Variants in MAPK7 observed in about 807,000 individuals in gnomAD.
MAPK7 encodes BMK-1.
MAPK7 carries 30 observed loss-of-function variants against 56.9 expected under a neutral mutation model. That is an observed-to-expected ratio of 0.53 (90% confidence interval 0.39 to 0.72). The LOEUF is 0.72. Among genes scored for constraint, MAPK7 ranks in the 30% least tolerant of loss-of-function variants. MAPK7 has a pLI of 0.00. For missense variants in MAPK7, 952 were observed against 1,110.8 expected (o/e 0.86, Z 2.03); for synonymous variants, 516 against 449.3 (o/e 1.15, Z -1.88).
chr17:19,379,735 GT>G, intron 2 of MAPK7, 46 bp from the exon 3 acceptor site: 1 of 1,589,398 alleles, frequency 6.3e-7, no homozygotes, highest in South Asian at 1.1e-5. Context: ...CGACTCTGCA[GT>G]TTCTCCAAGG....
At chr17:19,377,962 C>G (rs1912236907), upstream of MAPK7, 2 of 985,288 alleles carry the variant, frequency 2.0e-6, no homozygotes, top group South Asian at 9.4e-5. Flanking sequence ...GCTCTAGAAT[C>G]CCGGAGGACC....
chr17:19,382,801 C>A lies in MAPK7; in HGVS notation c.2164-12C>A. The A allele has an allele frequency of 6.2e-7, 1 of 1,613,452 alleles. No individual in the cohort carries two copies. The highest frequency in any genetic ancestry group is 1.3e-5 in the African/African-American group (1 of 75,056). On this transcript the variant is annotated splice_polypyrimidine_tract_variant and intron_variant, in intron 5 of 6. Transcript: ENST00000395604. ...TCAGTCTGTCTGCATTGTAACCTGT[C>A]ATTCCCTGCAGGTGGAGGACCCCCT...
chr17:19,378,240 G>T, upstream of MAPK7: 1 of 985,894 alleles, frequency 1.0e-6, no homozygotes, highest in Non-Finnish European at 1.2e-6. This position sits in a 1 kb window ranked among gnomAD's most constrained non-coding sequence, Gnocchi z 5.4. Flanking sequence ...CATTCACTTG[G>T]CGCCCGACTG....
chr17:19,381,737 A>C lies in MAPK7; in HGVS notation c.1478-44A>C. 1 of 1,540,152 alleles carries C rather than the reference A, an allele frequency of 6.5e-7. No homozygotes were observed. Among genetic ancestry groups the C allele is most frequent in the Non-Finnish European group, 8.7e-7 (1 of 1,146,536 alleles). ...CAGAGGGGAGACTTGGACTTGGACA[A>C]GGCTTCAGGCTTTTACCTTCTCCCC... On this transcript the variant is annotated intron_variant, in intron 4 of 6. Coordinates refer to ENST00000395604, the MANE Select transcript of MAPK7 (RefSeq NM_002749.4). The surrounding 1 kb of genome is among the most constrained non-coding windows in gnomAD (Gnocchi z 4.6).
At position 19,378,500 on chromosome 17, in the gene MAPK7, G is replaced by T; in HGVS notation, c.-136G>T. 1 of 1,079,350 alleles carries T rather than the reference G, an allele frequency of 9.3e-7. No homozygotes were observed. Among genetic ancestry groups the T allele is most frequent in the Non-Finnish European group, 1.1e-6 (1 of 887,108 alleles). The allele number at this position is 1,079,350 out of a possible 1,614,324, so 66.9% of individuals were successfully genotyped here. On this transcript the variant is annotated 5_prime_UTR_variant, in exon 1 of 7. Transcript: ENST00000395604. This position sits in a 1 kb window ranked among gnomAD's most constrained non-coding sequence, Gnocchi z 5.4. ...AGGCGGGGCGGAGGGGGACGGACAG[G>T]GCAGCTCAAGACGCTGAGGTGGTGG...
At chr17:19,379,531 A>G in intron 2 of MAPK7, 1 of 570,326 alleles carries the variant, frequency 1.8e-6, no homozygotes, top group South Asian at 2.2e-5. Flanking sequence ...TGCAACCTCC[A>G]ACAAGTTACT....
At chr17:19,378,367 C>G (rs1912280860), upstream of MAPK7, 1 of 988,202 alleles carries the variant, frequency 1.0e-6, no homozygotes, top group Non-Finnish European at 1.2e-6. This position sits in a 1 kb window ranked among gnomAD's most constrained non-coding sequence, Gnocchi z 5.4. Flanking sequence ...CCAGGCGTGG[C>G]TTTCTCGGCC....
Position 19,378,725 on chromosome 17 carries a change from C to T in MAPK7, c.-6+95C>T, listed in dbSNP as rs1912330793. 1.5e-6 allele frequency: 2 copies of T among 1,363,106 alleles called. No homozygotes were observed. Among genetic ancestry groups the T allele is most frequent in the Non-Finnish European group, 9.6e-7 (1 of 1,039,772 alleles). 84.4% of individuals were successfully genotyped at this position (1,363,106 alleles called of 1,614,324 possible). On this transcript the variant is annotated intron_variant, in intron 1 of 6. Transcript: ENST00000395604. This position sits in a 1 kb window ranked among gnomAD's most constrained non-coding sequence, Gnocchi z 5.4. ...CCCTCCCCCGACCCTGGCGGGCCCC[C>T]GGCTCTGGGCCCGGACCCCTGGGGT...
In MAPK7 at chr17:19,383,348, G is replaced by A; in HGVS notation, c.*117G>A. ...GAGGCTCGGCTTGGATTATTCTGCA[G>A]GTTCATCTCAGACCCACCTTTCAGC... On this transcript the variant is annotated 3_prime_UTR_variant, in exon 7 of 7. Transcript: ENST00000395604. The A allele has an allele frequency of 8.4e-7, 1 of 1,192,036 alleles. No homozygotes were observed. The highest frequency in any genetic ancestry group is 1.2e-6 in the Non-Finnish European group (1 of 861,162). The allele number at this position is 1,192,036 out of a possible 1,614,324, so 73.8% of individuals were successfully genotyped here.
rs563238549 is a variant in MAPK7, at chr17:19,380,985, G to A, written c.776G>A (p.Arg259His). ...ATCTTTGGTGAGATGCTGGCCCGGC[G>A]CCAGCTCTTCCCAGGCAAAAACTAT... is the stretch of plus-strand genomic sequence containing the variant. ...GCIFGEMLAR[R>H]QLFPGKNYVH... The change falls in exon 4 of 7, where the codon CGC becomes CAC. Residue 259 changes from arginine (R) to histidine (H), a missense_variant. Physicochemically the swap from Arg to His is conservative, Grantham distance 29 (BLOSUM62 0). This residue lies in a region of MAPK7 where 429 missense variants were observed against 533.0 expected (regional missense o/e 0.80). Coordinates refer to ENST00000395604, the MANE Select transcript of MAPK7 (RefSeq NM_002749.4). 1.6e-4 allele frequency: 260 copies of A among 1,614,142 alleles called. 3 individuals carry two copies. The South Asian group carries it at 2.6e-3, about 16-fold the overall frequency.
rs1912364663 is a variant in MAPK7 at position 19,378,962 on chromosome 17, T to C, written c.62T>C (p.Val21Ala). Residue 21 changes from valine to alanine, a missense_variant, in exon 2 of 7, where the codon GTG becomes GCG. Around this residue, in one of 5 missense-constraint regions of MAPK7, gnomAD observed 213 missense variants for 243.2 expected, o/e 0.88. Transcript: ENST00000395604. This position sits in a 1 kb window ranked among gnomAD's most constrained non-coding sequence, Gnocchi z 5.4. The stretch of plus-strand genomic sequence containing the variant: ...GGCTCTGCGGAGCCCCCCGGGCCCG[T>C]GAAGGCCGAACCCGCCCACACCGCT... ...EDGSAEPPGP[V>A]KAEPAHTAAS... The C allele has an allele frequency of 1.2e-6, 2 of 1,603,932 alleles. No individual in the cohort carries two copies. The highest frequency in any genetic ancestry group is 1.7e-6 in the Non-Finnish European group (2 of 1,175,464).
rs1912885127 is a variant in MAPK7 at position 19,383,305 on chromosome 17, G to A, written c.*74G>A. 3 of 1,521,320 alleles carry A rather than the reference G, an allele frequency of 2.0e-6. No individual in the cohort carries two copies. The highest frequency in any genetic ancestry group is 3.6e-5 in the Admixed American group (2 of 54,954). The allele number at this position is 1,521,320 out of a possible 1,614,324, so 94.2% of individuals were successfully genotyped here. A position where few individuals can be genotyped will look rare whatever the true frequency, so the allele number is the denominator to read the frequency against. On this transcript the variant is annotated 3_prime_UTR_variant, in exon 7 of 7. Coordinates refer to ENST00000395604, the MANE Select transcript of MAPK7 (RefSeq NM_002749.4). ...CATGGGAGCATTCTCAAAGGCTTTA[G>A]CCCTGGACCCAGCAGGTGAGGCTCG... is the stretch of plus-strand genomic sequence containing the variant.
At chr17:19,382,786 T>G in intron 5 of MAPK7, 27 bp from the exon 6 acceptor site, 1 of 1,611,890 alleles carries the variant, frequency 6.2e-7, no homozygotes, top group Non-Finnish European at 8.5e-7. Context: ...TCAGTCTGTC[T>G]GCATTGTAAC....
In MAPK7 at chr17:19,379,785, A is replaced by G; in HGVS notation, c.236A>G (p.Gln79Arg). The G allele has an allele frequency of 1.2e-6, 2 of 1,614,044 alleles. No homozygotes were observed. Among genetic ancestry groups the G allele is most frequent in the Non-Finnish European group, 1.7e-6 (2 of 1,179,964 alleles). ...VSSARRRLTG[Q>R]QVAIKKIPNA... ...GTCCCTTTTCCCTGCTCCTCAGGCC[A>G]GCAGGTGGCCATCAAGAAGATCCCT... is the stretch of plus-strand genomic sequence containing the variant. The change falls in exon 3 of 7, where the codon CAG becomes CGG. Residue 79 changes from glutamine (Q) to arginine (R), a missense_variant. This residue lies in a region of MAPK7 where 213 missense variants were observed against 243.2 expected (regional missense o/e 0.88). Coordinates refer to ENST00000395604, the MANE Select transcript of MAPK7 (RefSeq NM_002749.4).
intron 2 of MAPK7, 193 bp from the exon 3 acceptor site, chr17:19,379,589 G>T (rs763556253): frequency 3.2e-5 from 19 of 599,170 alleles, no homozygotes; most frequent in Non-Finnish European, 5.0e-5. Flanking sequence ...GACCTGCCCC[G>T]CAGGGGAGTT....
chr17:19,382,923 C>T lies in MAPK7; in HGVS notation c.2274C>T (p.Gly758=), dbSNP rs1218846455. 1.2e-6 allele frequency: 2 copies of T among 1,614,234 alleles called. No individual in the cohort carries two copies. The highest frequency in any genetic ancestry group is 1.7e-5 in the Admixed American group (1 of 60,030). The change falls in exon 6 of 7, where the codon GGC becomes GGT. Residue 758 remains glycine, a synonymous_variant. Transcript: ENST00000395604. ...TCTTAAACCAGTCTTTCGACATGGG[C>T]GTGGCTGATGGGCCACAGGATGGGT... ...EEFLNQSFDM[G]VADGPQDGQA...
chr17:19,382,703 G>A (rs566215801), intron 5 of MAPK7, 110 bp from the exon 6 acceptor site: 12 of 1,479,894 alleles, frequency 8.1e-6, no homozygotes, highest in African/African-American at 2.8e-5. Context: ...ACTGACTGCC[G>A]AGACTGGTGT....
upstream of MAPK7, chr17:19,377,840 A>G: frequency 1.0e-6 from 1 of 985,426 alleles, no homozygotes; most frequent in African/African-American, 1.7e-5. Flanking sequence ...GGACAGACAA[A>G]CGAGCGGAGG....
rs1912498539 is a variant in MAPK7, at chr17:19,379,887, A to C, written c.338A>C (p.Asn113Thr). 6.2e-7 allele frequency: 1 copy of C among 1,614,118 alleles called. No homozygotes were observed. Among genetic ancestry groups the C allele is most frequent in the African/African-American group, 1.3e-5 (1 of 74,944 alleles). Reference sequence around the variant, plus strand: ...ATCCTCAAGCACTTTAAACACGACAACATCATCGCCATCAAGGACATCCTG... The same window carrying C: ...ATCCTCAAGCACTTTAAACACGACACCATCATCGCCATCAAGGACATCCTG... ...LKILKHFKHDNIIAIKDILRP... is the reference protein window; with the variant it reads ...LKILKHFKHDTIIAIKDILRP... Residue 113 changes from asparagine to threonine, a missense_variant, in exon 3 of 7, where the codon AAC becomes ACC. Around this residue, in one of 5 missense-constraint regions of MAPK7, gnomAD observed 213 missense variants for 243.2 expected, o/e 0.88. Transcript: ENST00000395604.
Sources: gnomAD v4.1 joint callset for allele counts on GRCh38, gnomAD v4.1.1 for gene constraint, gnomAD v4.1.1 regional missense constraint, Gnocchi (gnomAD v3.1) non-coding constraint, MANE v1.5 for transcripts, NCBI Gene and HGNC (gene_info 2026-07-23, HGNC 2026-07-21) for gene names.